Variants in MTUS2 observed in about 807,000 individuals in gnomAD.
MTUS2 encodes the protein microtubule associated scaffold protein 2.
MTUS2 carries 40 observed loss-of-function variants against 114.1 expected under a neutral mutation model. The ratio of observed to expected loss-of-function variants is 0.35; its 90% CI spans 0.27 to 0.46. MTUS2 has a LOEUF of 0.46. Ranked by LOEUF, MTUS2 falls within the 20% of genes least tolerant of loss-of-function variation. The pLI is 1.00. For synonymous variants in MTUS2, 688 were observed against 672.0 expected, an observed-to-expected ratio of 1.02 and a Z score of -0.37; for missense variants, 1,679 against 1,705.4, an observed-to-expected ratio of 0.98 and a Z score of 0.27.
At chr13:29,293,356 A>G (rs1183290646) in intron 6 of MTUS2, among the ~76,000 whole-genome samples, 2 of 152,178 alleles carry the variant, frequency 1.3e-5, no homozygotes, top group Non-Finnish European at 2.9e-5. Flanking sequence ...AGATATTCAA[A>G]TTTACTAATA....
intron 5 of MTUS2, among the ~76,000 whole-genome samples, chr13:29,122,905 T>C (rs1038170618): frequency 6.6e-6 from 1 of 152,246 alleles, no homozygotes; most frequent in African/African-American, 2.4e-5. Flanking sequence ...ATTTTTAAAA[T>C]GTAGCTTTTG....
chr13:28,986,625 G>T (rs1427075983), intron 2 of MTUS2, among the ~76,000 whole-genome samples: 5 of 152,148 alleles, frequency 3.3e-5, no homozygotes, highest in Admixed American at 2.0e-4. Flanking sequence ...ATCAAGTTTG[G>T]CTGAGATCTG....
At chr13:28,994,501 G>A (rs1238888130) in intron 2 of MTUS2, among the ~76,000 whole-genome samples, 2 of 152,180 alleles carry the variant, frequency 1.3e-5, no homozygotes, top group Non-Finnish European at 2.9e-5. Flanking sequence ...GGTTGAACTA[G>A]TTTACAGTCC....
intron 2 of MTUS2, among the ~76,000 whole-genome samples, chr13:29,001,385 G>T (rs978190171): frequency 6.6e-6 from 1 of 152,148 alleles, no homozygotes; most frequent in Admixed American, 6.5e-5. Flanking sequence ...TCAGATGCTG[G>T]ATCTATTTTT....
chr13:29,337,540 G>A (rs949236438), intron 7 of MTUS2, among the ~76,000 whole-genome samples: 7 of 152,022 alleles, frequency 4.6e-5, no homozygotes, highest in Admixed American at 2.0e-4. Flanking sequence ...AAAATCACCC[G>A]CCTTCTGCGT....
At position 29,086,829 on chromosome 13, in the gene MTUS2, T is replaced by G. The variant is rs1445444586; in HGVS notation, c.2447-13944T>G. On this transcript the variant is annotated intron_variant, in intron 4 of 15. Transcript: ENST00000612955. ...TGTTTTGCAGTTTTTGTAGAGATTT[T>G]TCACCTCCCTGGTTAGCTGTATTCC... Among the ~76,000 whole-genome samples the G allele has an allele frequency of 2.6e-5, 4 of 152,320 alleles. No homozygotes were observed. The East Asian group carries it at 7.7e-4, about 29-fold the overall frequency.
intron 5 of MTUS2, among the ~76,000 whole-genome samples, chr13:29,161,570 C>T (rs1593542907): frequency 1.3e-5 from 2 of 152,102 alleles, no homozygotes; most frequent in Admixed American, 6.6e-5. Flanking sequence ...ACTTGCTCCC[C>T]GCAAGATAAA....
intron 4 of MTUS2, among the ~76,000 whole-genome samples, chr13:29,049,745 G>A (rs1887803975): frequency 6.6e-6 from 1 of 152,194 alleles, no homozygotes; most frequent in Admixed American, 6.5e-5. Flanking sequence ...TGCACAGGAG[G>A]CAGGAGTATC....
intron 8 of MTUS2, among the ~76,000 whole-genome samples, chr13:29,425,489 AG>A (rs1876447215): frequency 6.6e-6 from 1 of 152,208 alleles, no homozygotes; most frequent in Admixed American, 6.5e-5. Flanking sequence ...AGTGAAAATA[AG>A]GTAACAGTCT....
rs1253163304 is a variant in MTUS2, at chr13:29,002,893, C to A, written c.-242-21564C>A. 2.0e-5 allele frequency among the ~76,000 whole-genome samples: 3 copies of A among 152,268 alleles called. No individual in the cohort carries two copies. The East Asian group carries it at 5.8e-4, about 29-fold the overall frequency. ...TCAGTTTATCTGGTACACTTAGTTCCCCAGTGATGCTAGGTAATAGAGCAC... is the reference window on the plus strand; with the variant it reads ...TCAGTTTATCTGGTACACTTAGTTCACCAGTGATGCTAGGTAATAGAGCAC... On this transcript the variant is annotated intron_variant, in intron 2 of 15. Coordinates refer to ENST00000612955, the MANE Select transcript of MTUS2 (RefSeq NM_001033602.4).
At chr13:28,901,213 A>T (rs564682303) in intron 2 of MTUS2, among the ~76,000 whole-genome samples, 234 of 152,278 alleles carry the variant, frequency 1.5e-3, no homozygotes, top group African/African-American at 4.5e-3. Flanking sequence ...ATTAAAAAAA[A>T]ATTTTTTAAG....
intron 2 of MTUS2, among the ~76,000 whole-genome samples, chr13:29,019,798 G>C (rs956342396): frequency 6.6e-6 from 1 of 152,252 alleles, no homozygotes. Flanking sequence ...CATAGCTCTG[G>C]TCACCTTGTT....
At chr13:29,388,096 T>A (rs1466684732) in intron 8 of MTUS2, among the ~76,000 whole-genome samples, 1 of 152,114 alleles carries the variant, frequency 6.6e-6, no homozygotes, top group Non-Finnish European at 1.5e-5. Flanking sequence ...CAAGAAGGAC[T>A]GTCCCCCAAC....
At chr13:29,100,673 C>A in intron 4 of MTUS2, 100 bp from the exon 5 acceptor site, 3 of 1,323,912 alleles carry the variant, frequency 2.3e-6, no homozygotes, top group Non-Finnish European at 3.1e-6. Context: ...TAATTTTAGT[C>A]TGTTTATGAT....
chr13:29,144,804 T>C (rs1280994622), intron 5 of MTUS2, among the ~76,000 whole-genome samples: 3 of 152,224 alleles, frequency 2.0e-5, no homozygotes, highest in Non-Finnish European at 4.4e-5. Flanking sequence ...CTATTGATTA[T>C]AAATAAGTCA....
At position 28,933,034 on chromosome 13, in the gene MTUS2, T is replaced by C. The variant is rs527687873; in HGVS notation, c.-242-91423T>C. Among the ~76,000 whole-genome samples, 277 of 152,244 alleles carry C rather than the reference T, an allele frequency of 1.8e-3. 1 individual carries two copies. Among genetic ancestry groups the C allele is most frequent in the African/African-American group, 6.1e-3 (253 of 41,546 alleles). On this transcript the variant is annotated intron_variant, in intron 2 of 15. Coordinates refer to ENST00000612955, the MANE Select transcript of MTUS2 (RefSeq NM_001033602.4). ...TAAGGTTCTCACATTGTGTTGTGTG[T>C]CTCCTGGAAATTTGTTATTGTTCTG...
At chr13:28,823,246 A>C (rs576000467) in intron 1 of MTUS2, among the ~76,000 whole-genome samples, 1 of 152,260 alleles carries the variant, frequency 6.6e-6, no homozygotes. Context: ...AAACAAACTC[A>C]TTCCTCGAAA....
intron 5 of MTUS2, among the ~76,000 whole-genome samples, chr13:29,234,108 T>A (rs1340923791): frequency 1.3e-5 from 2 of 152,158 alleles, no homozygotes; most frequent in African/African-American, 4.8e-5. Flanking sequence ...TAGCTTCCAG[T>A]CCCTCTTCCA....
chr13:29,250,063 C>G (rs1302457117), intron 5 of MTUS2, among the ~76,000 whole-genome samples: 2 of 151,858 alleles, frequency 1.3e-5, no homozygotes, highest in Non-Finnish European at 1.5e-5. Flanking sequence ...CAAAAGATAC[C>G]CTGTAATTTT....
Sources: gnomAD v4.1 joint callset for allele counts (sites outside exome capture counted in the v4.1 genomes callset) on GRCh38, gnomAD v4.1.1 for gene constraint, MANE v1.5 for transcripts, NCBI Gene and HGNC (gene_info 2026-07-23, HGNC 2026-07-21) for gene names.